Variants in CDH10 observed in about 807,000 individuals in gnomAD.
The protein encoded by CDH10 is cadherin 10.
Under a neutral mutation model 73.1 loss-of-function variants are expected in CDH10, and 30 were observed. The observed-to-expected ratio is 0.41, with a 90% CI of 0.31 to 0.56. The LOEUF (loss-of-function observed/expected upper bound fraction) is 0.56. Among genes scored for constraint, CDH10 ranks in the 20% least tolerant of loss-of-function variants. The pLI is 0.27. For synonymous variants in CDH10, 345 were observed against 348.2 expected, an observed-to-expected ratio of 0.99 and a Z score of 0.10; for missense variants, 815 against 973.7, an observed-to-expected ratio of 0.84 and a Z score of 2.17.
intron 1 of CDH10, among the ~76,000 whole-genome samples, chr5:24,626,880 ATATATATGTG>A (rs10551643): frequency 0.63 from 84,904 of 133,744 alleles, 29,081 homozygotes; most frequent in Admixed American, 0.76. Flanking sequence ...ATATAAGTGT[ATATATATGTG>A]TATATATGTG....
At chr5:24,586,599 T>A (rs1476803227) in intron 2 of CDH10, among the ~76,000 whole-genome samples, 4 of 150,692 alleles carry the variant, frequency 2.7e-5, no homozygotes, top group Non-Finnish European at 5.9e-5. Context: ...TACACTACCA[T>A]GCCCGGATAA....
chr5:24,562,896 C>T (rs1333592617), intron 2 of CDH10, among the ~76,000 whole-genome samples: 2 of 152,050 alleles, frequency 1.3e-5, no homozygotes, highest in Non-Finnish European at 2.9e-5. Flanking sequence ...TTTCCTCAAC[C>T]ATTTGACAGC....
chr5:24,595,107 TTGTG>T (rs58078316), intron 1 of CDH10, among the ~76,000 whole-genome samples: 3 of 150,692 alleles, frequency 2.0e-5, no homozygotes, highest in South Asian at 2.1e-4. Context: ...TTATTTTGTT[TTGTG>T]TGTGTGTGTG....
intron 2 of CDH10, among the ~76,000 whole-genome samples, chr5:24,570,650 A>AT (rs1745341842): frequency 1.6e-5 from 2 of 125,820 alleles, no homozygotes; most frequent in Non-Finnish European, 3.9e-5. Context: ...CCTTACTGTA[A>AT]AATATATATA....
At chr5:24,537,878 T>G (rs1183563467) in intron 2 of CDH10, among the ~76,000 whole-genome samples, 1 of 152,104 alleles carries the variant, frequency 6.6e-6, no homozygotes, top group East Asian at 1.9e-4. Context: ...CAGGATACTT[T>G]TTATTCTAAA....
intron 5 of CDH10, among the ~76,000 whole-genome samples, chr5:24,533,627 T>C (rs1272183373): frequency 6.6e-6 from 1 of 152,158 alleles, no homozygotes; most frequent in Non-Finnish European, 1.5e-5. Flanking sequence ...TATGGTTTAT[T>C]GTGCTGAATT....
rs183118853 is a variant in CDH10, at chr5:24,492,282, C to A, written c.1625-455G>T. ...AAGAAAATGGATTAGGTAAATTTCA[C>A]GCATTGTTGCATGTTTTAAATCAAT... On this transcript the variant is annotated intron_variant, in intron 10 of 11. Coordinates refer to ENST00000264463, the MANE Select transcript of CDH10 (RefSeq NM_006727.5). Among the ~76,000 whole-genome samples the A allele has an allele frequency of 5.2e-3, 788 of 152,340 alleles. 6 individuals are homozygous for A. The highest frequency in any genetic ancestry group is 8.3e-3 in the Non-Finnish European group (567 of 68,032).
At chr5:24,569,250 G>A (rs979697767) in intron 2 of CDH10, among the ~76,000 whole-genome samples, 5 of 152,110 alleles carry the variant, frequency 3.3e-5, no homozygotes, top group African/African-American at 1.2e-4. Context: ...ATGGGTGAGG[G>A]AGATAAAGGG....
intron 2 of CDH10, among the ~76,000 whole-genome samples, chr5:24,563,222 T>C (rs1017503094): frequency 6.6e-6 from 1 of 152,140 alleles, no homozygotes; most frequent in African/African-American, 2.4e-5. Context: ...TGAGTTGTAC[T>C]GTTGTATCTA....
intron 5 of CDH10, among the ~76,000 whole-genome samples, chr5:24,529,634 T>C (rs987627550): frequency 2.1e-4 from 32 of 152,004 alleles, no homozygotes; most frequent in African/African-American, 7.5e-4. Flanking sequence ...ATAAATATCA[T>C]ATCAAATCTC....
rs1403522847 is a variant in CDH10 at position 24,505,208 on chromosome 5, TAAAGATTCTGTC to T, written c.1285_1296del (p.Asp429_Phe432del). On this transcript the variant is annotated inframe_deletion, in exon 8 of 12. Transcript: ENST00000264463. ...AGAGATCCATTTCCTGAATGAATGT[TAAAGATTCTGTC>T]AAGGTCAGTATGGCGATCCAAGGAA... 1.9e-6 allele frequency: 3 copies of T among 1,612,748 alleles called. No homozygotes were observed. The African/African-American group carries it at 4.0e-5, about 22-fold the overall frequency.
Position 24,509,792 on chromosome 5 carries a change from A to G in CDH10, c.1030T>C (p.Tyr344His). The change falls in exon 7 of 12, where the codon TAT (tyrosine) becomes CAT (histidine). Residue 344 changes from tyrosine to histidine, a missense_variant. Physicochemically the swap from Tyr to His is moderately conservative, Grantham distance 83. Around this residue, in one of 3 missense-constraint regions of CDH10, gnomAD observed 516 missense variants for 636.6 expected, o/e 0.81. Coordinates refer to ENST00000264463, the MANE Select transcript of CDH10 (RefSeq NM_006727.5). The stretch of plus-strand genomic sequence containing the variant: ...TTTTCTGCTTCGACTTTCAGAGTAT[A>G]AAGTCTTCGGCTCTCATAGTCGAGT... Reference protein sequence around the residue: ...KPLDYESRRLYTLKVEAENTH... With the variant: ...KPLDYESRRLHTLKVEAENTH... 1 of 1,611,982 alleles carries G rather than the reference A, an allele frequency of 6.2e-7. No homozygotes were observed. The highest frequency in any genetic ancestry group is 8.5e-7 in the Non-Finnish European group (1 of 1,178,550).
At chr5:24,580,509 T>A (rs1561177095) in intron 2 of CDH10, among the ~76,000 whole-genome samples, 1 of 152,180 alleles carries the variant, frequency 6.6e-6, no homozygotes, top group Non-Finnish European at 1.5e-5. Flanking sequence ...AATGAGTTAC[T>A]GGTTTGTTAT....
rs1274188945 is a variant in CDH10, at chr5:24,560,239, TG to T, written c.232-22566del. On this transcript the variant is annotated intron_variant, in intron 2 of 11. Transcript: ENST00000264463. ...GTGTGTGTGTGTGTGTGTGTGTGTG[TG>T]TGTGTGTGTGTTTCAACATTCTACA... Among the ~76,000 whole-genome samples the T allele has an allele frequency of 6.9e-4, 103 of 149,462 alleles. 1 individual carries two copies. Among genetic ancestry groups the T allele is most frequent in the Non-Finnish European group, 1.3e-3 (89 of 66,330 alleles).
At chr5:24,490,904 T>G (rs904542522) in intron 11 of CDH10, among the ~76,000 whole-genome samples, 1 of 152,218 alleles carries the variant, frequency 6.6e-6, no homozygotes, top group Admixed American at 6.5e-5. Flanking sequence ...TGTTATCAAC[T>G]TAACCTTTGT....
At chr5:24,488,353 A>G (rs1044821230) in intron 11 of CDH10, among the ~76,000 whole-genome samples, 200 bp from the exon 12 acceptor site, 2 of 152,100 alleles carry the variant, frequency 1.3e-5, no homozygotes, top group Non-Finnish European at 2.9e-5. Flanking sequence ...GGTGTTTAAG[A>G]TCAGTGTTTC....
intron 2 of CDH10, among the ~76,000 whole-genome samples, chr5:24,555,091 A>T (rs1236031365): frequency 6.6e-6 from 1 of 152,032 alleles, no homozygotes; most frequent in South Asian, 2.1e-4. Context: ...AATGTACTGT[A>T]CTTTTTCTAG....
chr5:24,493,709 TA>T (rs957503667), intron 9 of CDH10, among the ~76,000 whole-genome samples: 10 of 152,062 alleles, frequency 6.6e-5, no homozygotes, highest in African/African-American at 2.2e-4. Context: ...ACAATTTGTA[TA>T]TTTTTTACAT....
At chr5:24,514,912 G>A (rs1743054035) in intron 5 of CDH10, among the ~76,000 whole-genome samples, 1 of 152,012 alleles carries the variant, frequency 6.6e-6, no homozygotes, top group South Asian at 2.1e-4. Context: ...ATCATTTAGA[G>A]AGTACAGATT....
Sources: allele counts gnomAD v4.1 joint callset (sites outside exome capture counted in the v4.1 genomes callset), GRCh38; gene constraint gnomAD v4.1.1; regional missense constraint gnomAD v4.1.1; transcripts MANE v1.5; gene names NCBI Gene and HGNC (gene_info 2026-07-23, HGNC 2026-07-21).